CYB5R4: variants seen among roughly 807,000 people sequenced by gnomAD.
CYB5R4 encodes cytochrome b5 reductase 4.
A neutral mutation model predicts 70.2 loss-of-function variants in CYB5R4; 55 were observed. The ratio of observed to expected loss-of-function variants is 0.78; its 90% CI spans 0.63 to 0.98. The LOEUF (loss-of-function observed/expected upper bound fraction) is 0.98, where lower values mean the gene tolerates loss of function less well. Ranked by LOEUF, CYB5R4 falls within the 50% of genes least tolerant of loss-of-function variation. CYB5R4 has a pLI of 0.00. For synonymous variants in CYB5R4, 197 were observed against 199.5 expected, an observed-to-expected ratio of 0.99 and a Z score of 0.11; for missense variants, 562 against 612.6, an observed-to-expected ratio of 0.92 and a Z score of 0.87.
chr6:83,862,006 AT>A (rs1211297814), intron 1 of CYB5R4, among the ~76,000 whole-genome samples: 2 of 152,150 alleles, frequency 1.3e-5, no homozygotes, highest in Admixed American at 1.3e-4. Flanking sequence ...GCTTATTGTA[AT>A]TTTTTAAAGG....
rs2099473282 is a variant in CYB5R4 at position 83,961,191 on chromosome 6, CCT to C, written c.*1316_*1317del. On this transcript the variant is annotated 3_prime_UTR_variant, in exon 16 of 16. Coordinates refer to ENST00000369681, the MANE Select transcript of CYB5R4 (RefSeq NM_016230.4). ...TTGAACACTATCACTTTTTCCTGTGCCTCTGTCTTCTGTAGCCAATTCCACCA... is the reference window on the plus strand; with the variant it reads ...TTGAACACTATCACTTTTTCCTGTGCCTGTCTTCTGTAGCCAATTCCACCA... 1 of 152,178 alleles carries C rather than the reference CCT, an allele frequency of 6.6e-6. No individual in the cohort carries two copies. Among genetic ancestry groups the C allele is most frequent in the Non-Finnish European group, 1.5e-5 (1 of 68,048 alleles). 9.4% of individuals were successfully genotyped at this position (152,178 alleles called of 1,614,324 possible). A position where few individuals can be genotyped will look rare whatever the true frequency, so the allele number is the denominator to read the frequency against.
At chr6:83,930,550 T>C (rs1483117614) in intron 10 of CYB5R4, among the ~76,000 whole-genome samples, 1 of 152,180 alleles carries the variant, frequency 6.6e-6, no homozygotes, top group African/African-American at 2.4e-5. Context: ...CAGTCAAATC[T>C]TCAGGCTCCA....
rs781769673 is a variant in CYB5R4 at position 83,909,122 on chromosome 6, T to A, written c.412+32T>A. The A allele has an allele frequency of 5.1e-6, 8 of 1,564,556 alleles. No individual in the cohort carries two copies. In the East Asian group the frequency reaches 1.8e-4, roughly 35 times the overall value. Reference sequence around the variant, plus strand: ...GGTGCTGGTGCTAAACCAGCATGGATGTGTGGTGCACATGTATTTTTTTTT... The same window carrying A: ...GGTGCTGGTGCTAAACCAGCATGGAAGTGTGGTGCACATGTATTTTTTTTT... On this transcript the variant is annotated intron_variant, in intron 4 of 15. Coordinates refer to ENST00000369681, the MANE Select transcript of CYB5R4 (RefSeq NM_016230.4).
rs924964133 is a variant in CYB5R4, at chr6:83,886,148, G to A, written c.230-7374G>A. 4.6e-5 allele frequency among the ~76,000 whole-genome samples: 7 copies of A among 152,294 alleles called. No individual in the cohort carries two copies. In the East Asian group the frequency reaches 1.4e-3, roughly 29 times the overall value. On this transcript the variant is annotated intron_variant, in intron 2 of 15. Coordinates refer to ENST00000369681, the MANE Select transcript of CYB5R4 (RefSeq NM_016230.4). ...GACTCCCTGCAAGAGTCCCAATGCAGTATAGGGCATCCCATGGTAAGGGGG... is the reference window on the plus strand; with the variant it reads ...GACTCCCTGCAAGAGTCCCAATGCAATATAGGGCATCCCATGGTAAGGGGG...
At chr6:83,937,148 G>A (rs758408924) in intron 12 of CYB5R4, among the ~76,000 whole-genome samples, 7 of 151,986 alleles carry the variant, frequency 4.6e-5, no homozygotes, top group East Asian at 1.9e-4. Flanking sequence ...GATGGCGGGC[G>A]CCTGTAATCC....
chr6:83,921,315 T>C, intron 8 of CYB5R4, 140 bp downstream of exon 8: 2 of 739,486 alleles, frequency 2.7e-6, no homozygotes, highest in South Asian at 2.4e-5. Context: ...GTTTTTTTCC[T>C]GTAATTTCTT....
intron 1 of CYB5R4, among the ~76,000 whole-genome samples, chr6:83,862,970 G>A (rs1462703392): frequency 1.3e-5 from 2 of 152,172 alleles, no homozygotes; most frequent in South Asian, 2.1e-4. Flanking sequence ...AAATAGATAT[G>A]ATTCAGGAAA....
At chr6:83,931,718 G>A (rs1434739656) in intron 10 of CYB5R4, among the ~76,000 whole-genome samples, 1 of 151,684 alleles carries the variant, frequency 6.6e-6, no homozygotes, top group Non-Finnish European at 1.5e-5. Context: ...AAGCCAAAAA[G>A]TGGACAGTTA....
chr6:83,932,525 G>A (rs1052350821), intron 10 of CYB5R4, among the ~76,000 whole-genome samples: 4 of 152,160 alleles, frequency 2.6e-5, no homozygotes, highest in Non-Finnish European at 5.9e-5. Context: ...TTAGACCTGT[G>A]CAAGAGGGTC....
At position 83,866,851 on chromosome 6, in the gene CYB5R4, T is replaced by C. The variant is rs551318585; in HGVS notation, c.229+2523T>C. Among the ~76,000 whole-genome samples, 5 of 152,224 alleles carry C rather than the reference T, an allele frequency of 3.3e-5. No individual in the cohort carries two copies. The South Asian group carries it at 6.2e-4, about 19-fold the overall frequency. On this transcript the variant is annotated intron_variant, in intron 2 of 15. Transcript: ENST00000369681. ...CCAGGCTGGTCTTGAATTCCAGGTC[T>C]CAAGCAGTCCTCCTGCCTCAGCCTC...
rs1342552537 is a variant in CYB5R4 at position 83,965,878 on chromosome 6, CA to C, written c.*6001del. On this transcript the variant is annotated 3_prime_UTR_variant, in exon 16 of 16. Coordinates refer to ENST00000369681, the MANE Select transcript of CYB5R4 (RefSeq NM_016230.4). ...GTCTCATGAGATCTGATGGTTTCAT[CA>C]GGGGGTTCCGCTTTTGCATCTTACT... is the stretch of plus-strand genomic sequence containing the variant. 2 of 152,262 alleles carry C rather than the reference CA, an allele frequency of 1.3e-5. No individual in the cohort carries two copies. The highest frequency in any genetic ancestry group is 2.9e-5 in the Non-Finnish European group (2 of 68,122). 9.4% of individuals were successfully genotyped at this position (152,262 alleles called of 1,614,324 possible).
At chr6:83,892,461 G>A (rs9350991) in intron 2 of CYB5R4, among the ~76,000 whole-genome samples, 23,402 of 152,094 alleles carry the variant, frequency 0.15, 3,521 homozygotes, top group African/African-American at 0.37. Flanking sequence ...GCACTTTCGT[G>A]ATGTCTTTAG....
At chr6:83,958,919 A>T in intron 15 of CYB5R4, among the ~76,000 whole-genome samples, 1 of 152,328 alleles carries the variant, frequency 6.6e-6, no homozygotes, top group Middle Eastern at 3.4e-3. Context: ...AGTAGTTATT[A>T]TACTATTTTC....
chr6:83,860,858 A>T (rs768932683), intron 1 of CYB5R4, among the ~76,000 whole-genome samples: 54 of 152,192 alleles, frequency 3.5e-4, no homozygotes, highest in Non-Finnish European at 6.0e-4. Flanking sequence ...CTTTGCATGT[A>T]TTAACTTTAA....
At chr6:83,933,107 T>C (rs1441780190) in intron 10 of CYB5R4, among the ~76,000 whole-genome samples, 1 of 152,180 alleles carries the variant, frequency 6.6e-6, no homozygotes, top group Non-Finnish European at 1.5e-5. Flanking sequence ...AAGAGATCAT[T>C]TGCACCTTCA....
chr6:83,872,093 A>C (rs181012814), intron 2 of CYB5R4, among the ~76,000 whole-genome samples: 26 of 152,294 alleles, frequency 1.7e-4, no homozygotes, highest in African/African-American at 6.0e-4. Context: ...GATAGTCTGC[A>C]GTAACTCTCA....
At chr6:83,859,921 T>G in intron 1 of CYB5R4, 64 bp downstream of exon 1, 7 of 1,458,238 alleles carry the variant, frequency 4.8e-6, no homozygotes, top group Non-Finnish European at 6.5e-6. Flanking sequence ...GTGTGTTCTC[T>G]TCTTCCGCCC....
intron 2 of CYB5R4, among the ~76,000 whole-genome samples, chr6:83,892,565 T>C (rs748007959): frequency 3.0e-4 from 45 of 152,304 alleles, no homozygotes; most frequent in Non-Finnish European, 5.4e-4. Context: ...TTGTGTTTGT[T>C]GTTCCCTATT....
rs6915114 is a variant in CYB5R4 at position 83,961,582 on chromosome 6, A to G, written c.*1704A>G. The G allele has an allele frequency of 0.18, 27,510 of 151,970 alleles. 6,207 individuals are homozygous for G. The highest frequency in any genetic ancestry group is 0.54 in the African/African-American group (22,267 of 41,386). 9.4% of individuals were successfully genotyped at this position (151,970 alleles called of 1,614,324 possible). A position where few individuals can be genotyped will look rare whatever the true frequency, so the allele number is the denominator to read the frequency against. On this transcript the variant is annotated 3_prime_UTR_variant, in exon 16 of 16. Transcript: ENST00000369681. ...TCTTTGCTTTCTACCATAATTGTAC[A>G]TTTCCTGAGGCCTCCCCAGCCATGC...
Sources: allele counts gnomAD v4.1 joint callset (sites outside exome capture counted in the v4.1 genomes callset), GRCh38; gene constraint gnomAD v4.1.1; transcripts MANE v1.5; gene names NCBI Gene and HGNC (gene_info 2026-07-23, HGNC 2026-07-21).